KCNK5: variants seen among roughly 807,000 people sequenced by gnomAD.
The protein encoded by KCNK5 is potassium two pore domain channel subfamily K member 5.
Under a neutral mutation model 32.9 loss-of-function variants are expected in KCNK5, and 18 were observed. That is an observed-to-expected ratio of 0.55 (90% confidence interval 0.38 to 0.81). KCNK5 has a LOEUF of 0.81. Ranked by LOEUF, KCNK5 falls within the 30% of genes least tolerant of loss-of-function variation. KCNK5 has a pLI of 0.00. For missense variants in KCNK5, 507 were observed against 651.0 expected (o/e 0.78, Z 2.41); for synonymous variants, 276 against 275.3 (o/e 1.00, Z -0.03).
Position 39,191,364 on chromosome 6 carries a change from C to T in KCNK5, c.1026G>A (p.Val342=), listed in dbSNP as rs1770928746. The T allele has an allele frequency of 5.6e-6, 9 of 1,613,768 alleles. No individual in the cohort carries two copies. The highest frequency in any genetic ancestry group is 1.1e-5 in the South Asian group (1 of 91,084). The change falls in exon 5 of 5, where the codon GTG becomes GTA. Residue 342 remains valine, a synonymous_variant. Coordinates refer to ENST00000359534, the MANE Select transcript of KCNK5 (RefSeq NM_003740.4). The surrounding 1 kb of genome is among the most constrained non-coding windows in gnomAD (Gnocchi z 5.8). ...GGLPALPPSL[V]PLVVYSKNRV... ...GGTTCTTGGAGTAGACTACCAGGGG[C>T]ACCAGGGAAGGGGGCAGTGCTGGGA...
rs1300384803 is a variant in KCNK5 at position 39,194,861 on chromosome 6, T to C, written c.299-101A>G. The C allele has an allele frequency of 1.4e-5, 13 of 957,496 alleles. No homozygotes were observed. Among genetic ancestry groups the C allele is most frequent in the Non-Finnish European group, 2.1e-5 (13 of 614,516 alleles). 59.3% of individuals were successfully genotyped at this position (957,496 alleles called of 1,614,324 possible). ...GCCCGTTCTCTAAGATAAATTGATA[T>C]TGATCTATTGTCAGTACTTAAGTAA... On this transcript the variant is annotated intron_variant, in intron 2 of 4. Coordinates refer to ENST00000359534, the MANE Select transcript of KCNK5 (RefSeq NM_003740.4). This position sits in a 1 kb window ranked among gnomAD's most constrained non-coding sequence, Gnocchi z 4.7.
intron 1 of KCNK5, among the ~76,000 whole-genome samples, chr6:39,223,608 C>T (rs2561401): frequency 0.65 from 99,276 of 152,074 alleles, 35,996 homozygotes; most frequent in Non-Finnish European, 0.8. Flanking sequence ...AATACAGCAT[C>T]CCAATTTGGA....
intron 1 of KCNK5, among the ~76,000 whole-genome samples, chr6:39,225,060 C>A (rs906277292): frequency 6.6e-6 from 1 of 152,066 alleles, no homozygotes; most frequent in African/African-American, 2.4e-5. Context: ...CTCCTGAGAG[C>A]CCTCCCTGAC....
At chr6:39,200,247 A>G (rs1304067763) in intron 1 of KCNK5, among the ~76,000 whole-genome samples, 2 of 152,096 alleles carry the variant, frequency 1.3e-5, no homozygotes, top group South Asian at 2.1e-4. Context: ...CATTTTCCAT[A>G]CAAGCCTGGA....
chr6:39,229,003 T>G lies in KCNK5; in HGVS notation c.109A>C (p.Asn37His). 1 of 1,614,082 alleles carries G rather than the reference T, an allele frequency of 6.2e-7. No individual in the cohort carries two copies. Among genetic ancestry groups the G allele is most frequent in the Non-Finnish European group, 8.5e-7 (1 of 1,180,000 alleles). ...EEPHWKEAKK[N>H]YYTQKLHLLK... ...AGATGCAGCTTCTGTGTGTAGTAGT[T>G]TTTCTTGGCCTCCTTCCAGTGTGGC... The change falls in exon 1 of 5, where the codon AAC becomes CAC. Residue 37 changes from asparagine to histidine, a missense_variant. Asn to His is a moderately conservative substitution (Grantham distance 68). Coordinates refer to ENST00000359534, the MANE Select transcript of KCNK5 (RefSeq NM_003740.4).
At chr6:39,215,969 A>T (rs963899214) in intron 1 of KCNK5, among the ~76,000 whole-genome samples, 3 of 152,220 alleles carry the variant, frequency 2.0e-5, no homozygotes, top group Non-Finnish European at 2.9e-5. Context: ...AGCCACTTAT[A>T]TAGCCAAAAT....
At chr6:39,213,661 G>A (rs937480085) in intron 1 of KCNK5, among the ~76,000 whole-genome samples, 3 of 152,162 alleles carry the variant, frequency 2.0e-5, no homozygotes, top group African/African-American at 4.8e-5. Context: ...TGGGAAGCCG[G>A]CCTCAGGCAG....
chr6:39,223,384 T>G (rs867866106), intron 1 of KCNK5, among the ~76,000 whole-genome samples: 3 of 152,222 alleles, frequency 2.0e-5, no homozygotes, highest in South Asian at 2.1e-4. Context: ...CAGCCATACT[T>G]GGGAAGAACT....
chr6:39,208,460 C>T (rs1219155286), intron 1 of KCNK5, among the ~76,000 whole-genome samples: 3 of 152,214 alleles, frequency 2.0e-5, no homozygotes, highest in South Asian at 4.1e-4. Context: ...CTGCAGGATC[C>T]TCCTGAGAGC....
intron 1 of KCNK5, among the ~76,000 whole-genome samples, chr6:39,201,586 G>A (rs1771134229): frequency 6.6e-6 from 1 of 152,114 alleles, no homozygotes; most frequent in African/African-American, 2.4e-5. Context: ...AGCTCACTTG[G>A]CCCTGCGGAG....
Position 39,194,148 on chromosome 6 carries a change from G to A in KCNK5, c.634+21C>T. ...ACCAAAGAAGCAGAAAAAGAGGTGGGAGGCAGAGGCAGGGACTCACCGGCC... is the reference window on the plus strand; with the variant it reads ...ACCAAAGAAGCAGAAAAAGAGGTGGAAGGCAGAGGCAGGGACTCACCGGCC... On this transcript the variant is annotated intron_variant, in intron 4 of 4. Coordinates refer to ENST00000359534, the MANE Select transcript of KCNK5 (RefSeq NM_003740.4). This position sits in a 1 kb window ranked among gnomAD's most constrained non-coding sequence, Gnocchi z 4.7. The A allele has an allele frequency of 6.2e-7, 1 of 1,613,942 alleles. No individual in the cohort carries two copies. The highest frequency in any genetic ancestry group is 8.5e-7 in the Non-Finnish European group (1 of 1,179,858).
intron 1 of KCNK5, among the ~76,000 whole-genome samples, chr6:39,223,959 T>C (rs1771605395): frequency 6.6e-6 from 1 of 152,160 alleles, no homozygotes; most frequent in South Asian, 2.1e-4. Flanking sequence ...CCCTCAATAA[T>C]TCTCTATTAC....
chr6:39,195,809 G>GT, intron 2 of KCNK5, 67 bp downstream of exon 2: 7 of 1,163,770 alleles, frequency 6.0e-6, no homozygotes, highest in Non-Finnish European at 8.9e-6. Flanking sequence ...CCAGAGCTGG[G>GT]TTTCTAGAAA....
intron 1 of KCNK5, among the ~76,000 whole-genome samples, chr6:39,202,577 C>T (rs116285265): frequency 0.013 from 1,986 of 152,306 alleles, 50 homozygotes; most frequent in African/African-American, 0.046. Flanking sequence ...GACTGTCCTT[C>T]CTGCAGGGAG....
intron 1 of KCNK5, among the ~76,000 whole-genome samples, chr6:39,206,836 C>T (rs10947788): frequency 0.3 from 45,259 of 151,876 alleles, 6,777 homozygotes; most frequent in Admixed American, 0.38. Flanking sequence ...TGTGTTGGCG[C>T]GTCGATTACA....
intron 2 of KCNK5, among the ~76,000 whole-genome samples, 176 bp downstream of exon 2, chr6:39,195,700 C>T (rs972359010): frequency 6.6e-6 from 1 of 152,224 alleles, no homozygotes; most frequent in Admixed American, 6.5e-5. Context: ...GAAACCTTCC[C>T]AGGCATGATC....
At chr6:39,215,817 T>C (rs1199678667) in intron 1 of KCNK5, among the ~76,000 whole-genome samples, 1 of 152,178 alleles carries the variant, frequency 6.6e-6, no homozygotes, top group East Asian at 1.9e-4. Context: ...GGTTTTAGTC[T>C]CAGGGTCCCC....
chr6:39,196,025 C>T, intron 1 of KCNK5, 38 bp from the exon 2 acceptor site: 1 of 1,440,142 alleles, frequency 6.9e-7, no homozygotes, highest in Non-Finnish European at 9.6e-7. Context: ...GCTGAGGCCA[C>T]ACTTAACAGA....
Position 39,229,264 on chromosome 6 carries a change from A to T in KCNK5, c.-153T>A, listed in dbSNP as rs143520320. The T allele has an allele frequency of 1.2e-6, 1 of 847,524 alleles. No individual in the cohort carries two copies. Among genetic ancestry groups the T allele is most frequent in the Non-Finnish European group, 1.8e-6 (1 of 560,948 alleles). 52.5% of individuals were successfully genotyped at this position (847,524 alleles called of 1,614,324 possible). On this transcript the variant is annotated 5_prime_UTR_variant, in exon 1 of 5. Transcript: ENST00000359534. ...ACCCCCCGCAAGCACCGCTCCCCGG[A>T]CAGAGTTGCTTGGCCAAGTTGGCCC...
Sources: allele counts gnomAD v4.1 joint callset (sites outside exome capture counted in the v4.1 genomes callset), GRCh38; gene constraint gnomAD v4.1.1; non-coding constraint Gnocchi (gnomAD v3.1); transcripts MANE v1.5; gene names NCBI Gene and HGNC (gene_info 2026-07-23, HGNC 2026-07-21).